The following CDKL4 variants were observed in gnomAD, a reference collection of about 807,000 sequenced individuals.
CDKL4 encodes cyclin dependent kinase like 4, also known as cyclin-dependent kinase-like 4.
CDKL4 carries 44 observed loss-of-function variants against 42.0 expected under a neutral mutation model. That is an observed-to-expected ratio of 1.05 (90% CI 0.82 to 1.35). The LOEUF is 1.35. Ranked by LOEUF, CDKL4 falls within the 40% of genes most tolerant of loss-of-function variation. The probability of loss-of-function intolerance (pLI) is 0.00; values close to 1 mark genes in which losing one functional copy is unlikely to be tolerated. For missense variants in CDKL4, 393 were observed against 369.9 expected (o/e 1.06, Z -0.51); for synonymous variants, 120 against 121.6 (o/e 0.99, Z 0.09).
At chr2:39,221,315 A>C (rs1573008031) in intron 3 of CDKL4, among the ~76,000 whole-genome samples, 1 of 152,048 alleles carries the variant, frequency 6.6e-6, no homozygotes, top group Non-Finnish European at 1.5e-5. Flanking sequence ...GCGCCCGTCC[A>C]CATTGATGAT....
intron 1 of CDKL4, among the ~76,000 whole-genome samples, chr2:39,230,908 T>G (rs1679059571): frequency 1.3e-5 from 2 of 152,310 alleles, no homozygotes; most frequent in Non-Finnish European, 2.9e-5. Flanking sequence ...CTCAGTTAAG[T>G]GCAAAAGAAT....
At chr2:39,245,274 C>G (rs755877474), upstream of CDKL4, among the ~76,000 whole-genome samples, 1 of 152,122 alleles carries the variant, frequency 6.6e-6, no homozygotes, top group Admixed American at 6.5e-5. Flanking sequence ...ACGAGTTCAC[C>G]GGGAGGAAGG....
At chr2:39,179,875 TGA>T (rs1675337546) in intron 8 of CDKL4, among the ~76,000 whole-genome samples, 2 of 152,052 alleles carry the variant, frequency 1.3e-5, no homozygotes, top group Admixed American at 1.3e-4. Flanking sequence ...AAGGAAAAAT[TGA>T]CTATATATTC....
exon 2 of CDKL4, chr2:39,229,546 A>C: frequency 6.3e-7 from 1 of 1,592,050 alleles, no homozygotes; most frequent in Non-Finnish European, 8.5e-7. Flanking sequence ...AGCTGAAGTG[A>C]CTTAAATTAT....
In CDKL4 at chr2:39,185,415, C is replaced by CAT. The variant is rs1256972307; in HGVS notation, c.736-770_736-769dup. 2.0e-3 allele frequency among the ~76,000 whole-genome samples: 13 copies of CAT among 6,348 alleles called. 5 individuals carry two copies. Among genetic ancestry groups the CAT allele is most frequent in the South Asian group, 0.015 (4 of 264 alleles). The allele number at this position is 6,348 out of a possible 152,430, so 4.2% of individuals were successfully genotyped here. A position where few individuals can be genotyped will look rare whatever the true frequency, so the allele number is the denominator to read the frequency against. ...GTATATATACATATGTGTATATATA[C>CAT]ATATATATATACATATGTATATATA... On this transcript the variant is annotated intron_variant, in intron 7 of 9. Transcript: ENST00000451199.
At chr2:39,184,757 T>C (rs1344284494) in intron 7 of CDKL4, 110 bp from the exon 8 acceptor site, 1 of 690,630 alleles carries the variant, frequency 1.4e-6, no homozygotes, top group Non-Finnish European at 2.5e-6. Context: ...TATTTAGAGA[T>C]ACTGTCTCCC....
In CDKL4 at chr2:39,179,183, G is replaced by A; in HGVS notation, c.927+4C>T. 1 of 1,592,606 alleles carries A rather than the reference G, an allele frequency of 6.3e-7. No individual in the cohort carries two copies. The highest frequency in any genetic ancestry group is 1.2e-5 in the South Asian group (1 of 86,258). ...ATAGCACTTTAACTTTTGAGCGGAAGTACCTGTTGGCGTCTTCTGTTTCTT... is the reference window on the plus strand; with the variant it reads ...ATAGCACTTTAACTTTTGAGCGGAAATACCTGTTGGCGTCTTCTGTTTCTT... On this transcript the variant is annotated splice_donor_region_variant and intron_variant, in intron 9 of 9. Transcript: ENST00000451199.
At chr2:39,218,638 C>T (rs1434466610) in intron 3 of CDKL4, among the ~76,000 whole-genome samples, 1 of 152,098 alleles carries the variant, frequency 6.6e-6, no homozygotes, top group Admixed American at 6.6e-5. Flanking sequence ...ATCATCAAAC[C>T]CGTTGAAGGC....
intron 4 of CDKL4, among the ~76,000 whole-genome samples, chr2:39,209,672 CT>C (rs1359743244): frequency 1.3e-5 from 2 of 152,106 alleles, no homozygotes; most frequent in Non-Finnish European, 2.9e-5. Flanking sequence ...GTACTTTAAC[CT>C]GCAGTGTCCT....
chr2:39,186,595 G>C (rs1675841438), intron 7 of CDKL4, among the ~76,000 whole-genome samples: 1 of 152,200 alleles, frequency 6.6e-6, no homozygotes, highest in African/African-American at 2.4e-5. Flanking sequence ...AAAGACCATT[G>C]CAAGAGTAGA....
At chr2:39,205,447 C>A (rs1337013958) in intron 4 of CDKL4, among the ~76,000 whole-genome samples, 3 of 152,016 alleles carry the variant, frequency 2.0e-5, no homozygotes, top group African/African-American at 4.8e-5. Context: ...TCATCCAAAT[C>A]AGGAGACTTC....
exon 3 of CDKL4, chr2:39,225,854 T>A: frequency 1.9e-6 from 3 of 1,603,888 alleles, no homozygotes; most frequent in Non-Finnish European, 2.6e-6. Flanking sequence ...TGGGTTTCTT[T>A]CCAGCTCATT....
At chr2:39,220,414 G>C (rs1403514257) in intron 3 of CDKL4, among the ~76,000 whole-genome samples, 1 of 152,108 alleles carries the variant, frequency 6.6e-6, no homozygotes. Context: ...ATAACAAAGT[G>C]AAACAGAGGA....
At chr2:39,226,684 A>G (rs1456428058) in intron 2 of CDKL4, among the ~76,000 whole-genome samples, 1 of 151,886 alleles carries the variant, frequency 6.6e-6, no homozygotes, top group Non-Finnish European at 1.5e-5. Context: ...AAACTAGGGT[A>G]ATGGGTAGAA....
At chr2:39,202,192 G>A (rs538184936) in intron 5 of CDKL4, among the ~76,000 whole-genome samples, 12 of 152,074 alleles carry the variant, frequency 7.9e-5, no homozygotes, top group South Asian at 6.2e-4. Context: ...AGATCACACC[G>A]CTGCACTCCA....
At chr2:39,194,382 G>T (rs1446772875) in intron 5 of CDKL4, among the ~76,000 whole-genome samples, 2 of 152,186 alleles carry the variant, frequency 1.3e-5, no homozygotes, top group Non-Finnish European at 2.9e-5. Context: ...GCTGAGGTGG[G>T]AGGATTGCTT....
intron 1 of CDKL4, among the ~76,000 whole-genome samples, chr2:39,234,170 C>T (rs1310150041): frequency 2.0e-5 from 3 of 152,086 alleles, no homozygotes; most frequent in Non-Finnish European, 4.4e-5. Flanking sequence ...GCCTTGGCCT[C>T]CCAAAGTGCT....
At chr2:39,195,320 A>G (rs943818175) in intron 5 of CDKL4, among the ~76,000 whole-genome samples, 1 of 152,228 alleles carries the variant, frequency 6.6e-6, no homozygotes, top group African/African-American at 2.4e-5. Flanking sequence ...GTATGTACCT[A>G]GAAGTGGAAT....
At chr2:39,172,604 C>A (rs1048485372), downstream of CDKL4, among the ~76,000 whole-genome samples, 1 of 152,094 alleles carries the variant, frequency 6.6e-6, no homozygotes, top group African/African-American at 2.4e-5. Context: ...TTTTTTGAGA[C>A]GGAGTCTTGC....
Sources: allele counts gnomAD v4.1 joint callset (sites outside exome capture counted in the v4.1 genomes callset), GRCh38; gene constraint gnomAD v4.1.1; transcripts MANE v1.5; gene names NCBI Gene and HGNC (gene_info 2026-07-23, HGNC 2026-07-21).